ANKRD12: variants seen among roughly 807,000 people sequenced by gnomAD.
The protein encoded by ANKRD12 is ankyrin repeat domain-containing protein 12.
ANKRD12 carries 85 observed loss-of-function variants against 183.4 expected under a neutral mutation model. The ratio of observed to expected loss-of-function variants is 0.46; its 90% CI spans 0.39 to 0.56. The LOEUF is 0.56. Among genes scored for constraint, ANKRD12 ranks in the 20% least tolerant of loss-of-function variants. ANKRD12 has a pLI of 0.00. For missense variants in ANKRD12, 2,405 were observed against 2,357.1 expected (o/e 1.02, Z -0.42); for synonymous variants, 914 against 800.2 (o/e 1.14, Z -2.40).
intron 8 of ANKRD12, among the ~76,000 whole-genome samples, chr18:9,223,111 T>G (rs114209254): frequency 0.018 from 2,700 of 151,990 alleles, 82 homozygotes; most frequent in African/African-American, 0.061. Flanking sequence ...ATTTGAGAGG[T>G]GATAATAAAA....
At chr18:9,149,177 C>T (rs2078595626) in intron 1 of ANKRD12, among the ~76,000 whole-genome samples, 1 of 152,088 alleles carries the variant, frequency 6.6e-6, no homozygotes, top group Admixed American at 6.6e-5. Context: ...ACTAAATTGT[C>T]TTTTTTCTGT....
intron 3 of ANKRD12, among the ~76,000 whole-genome samples, chr18:9,201,380 T>G (rs2035156284): frequency 6.6e-6 from 1 of 152,230 alleles, no homozygotes; most frequent in African/African-American, 2.4e-5. Context: ...AACAGCTGTC[T>G]TGAGGCTACA....
chr18:9,260,211 C>A (rs1183396421), intron 9 of ANKRD12: 2 of 152,132 alleles, frequency 1.3e-5, no homozygotes, highest in African/African-American at 4.8e-5. Context: ...AAGTAATCTT[C>A]CCTCACATTT....
chr18:9,216,952 A>C (rs1273630940), intron 7 of ANKRD12, 52 bp downstream of exon 7: 2 of 1,536,368 alleles, frequency 1.3e-6, no homozygotes, highest in African/African-American at 1.4e-5. Flanking sequence ...ATATAAATTC[A>C]ACCCAAAGTA....
At chr18:9,176,405 C>T (rs2033270680) in intron 1 of ANKRD12, among the ~76,000 whole-genome samples, 5 of 152,030 alleles carry the variant, frequency 3.3e-5, no homozygotes, top group Admixed American at 3.3e-4. Context: ...GTCTTCCCAC[C>T]TCAGCCTCCC....
intron 9 of ANKRD12, among the ~76,000 whole-genome samples, chr18:9,262,762 GCCA>G (rs1374298589): frequency 7.6e-6 from 1 of 131,578 alleles, no homozygotes; most frequent in Non-Finnish European, 1.6e-5. Context: ...ACAGGCGAGA[GCCA>G]CCATGCCCAG....
intron 8 of ANKRD12, chr18:9,239,478 A>C: frequency 1.6e-6 from 2 of 1,276,212 alleles, no homozygotes; most frequent in Non-Finnish European, 2.0e-6. Flanking sequence ...ATTTTTCAGA[A>C]TATTTATTTT....
At chr18:9,164,346 A>G (rs1239389758) in intron 1 of ANKRD12, among the ~76,000 whole-genome samples, 1 of 152,196 alleles carries the variant, frequency 6.6e-6, no homozygotes, top group Non-Finnish European at 1.5e-5. Flanking sequence ...ATGTTGAACC[A>G]ACCTTGCATG....
chr18:9,273,783 G>T (rs2145435185), intron 10 of ANKRD12, among the ~76,000 whole-genome samples: 1 of 152,296 alleles, frequency 6.6e-6, no homozygotes, highest in South Asian at 2.1e-4. Context: ...TGGGCCTTAA[G>T]GTCACCTTAG....
At chr18:9,253,221 C>G (rs748388882) in intron 8 of ANKRD12, among the ~76,000 whole-genome samples, 2 of 152,134 alleles carry the variant, frequency 1.3e-5, no homozygotes, top group Non-Finnish European at 2.9e-5. Context: ...TCTAATTACT[C>G]TCTTAGTTAT....
chr18:9,204,122 A>G (rs571616612), intron 3 of ANKRD12, among the ~76,000 whole-genome samples: 24 of 152,338 alleles, frequency 1.6e-4, no homozygotes, highest in African/African-American at 5.8e-4. Context: ...GACAAGTTCT[A>G]AACAGAAAAC....
chr18:9,237,285 G>C (rs1370755629), intron 8 of ANKRD12, among the ~76,000 whole-genome samples: 1 of 152,180 alleles, frequency 6.6e-6, no homozygotes, highest in African/African-American at 2.4e-5. Flanking sequence ...CATGGATGGG[G>C]TGAATGGAGG....
At position 9,149,800 on chromosome 18, in the gene ANKRD12, T is replaced by TTA. The variant is rs1211440631; in HGVS notation, c.-52+12836_-52+12837insAT. Among the ~76,000 whole-genome samples, 130 of 143,538 alleles carry TTA rather than the reference T, an allele frequency of 9.1e-4. 1 individual carries two copies. The highest frequency in any genetic ancestry group is 4.0e-3 in the South Asian group (19 of 4,726). 94.2% of individuals were successfully genotyped at this position (143,538 alleles called of 152,430 possible). On this transcript the variant is annotated intron_variant, in intron 1 of 12. Coordinates refer to ENST00000262126, the MANE Select transcript of ANKRD12 (RefSeq NM_015208.5). ...TATTTATTTATTTATTAAATTTTAT[T>TTA]TTTTTTTTTTTTTGAGACGGAGTCT...
intron 10 of ANKRD12, among the ~76,000 whole-genome samples, chr18:9,264,602 A>G (rs1381649520): frequency 1.3e-5 from 2 of 152,306 alleles, no homozygotes; most frequent in Middle Eastern, 3.4e-3. Flanking sequence ...TCTTCTCAGA[A>G]TGTTTTTAAA....
At position 9,167,728 on chromosome 18, in the gene ANKRD12, G is replaced by T. The variant is rs1203986237; in HGVS notation, c.-51-14654G>T. The stretch of plus-strand genomic sequence containing the variant: ...CTTTATTTCCTTCTCCTGCCTGATT[G>T]TCCTGGCCACAACTTCCAACACTGT... On this transcript the variant is annotated intron_variant, in intron 1 of 12. Coordinates refer to ENST00000262126, the MANE Select transcript of ANKRD12 (RefSeq NM_015208.5). 2.6e-5 allele frequency among the ~76,000 whole-genome samples: 4 copies of T among 152,186 alleles called. 1 individual carries two copies. In the South Asian group the frequency reaches 8.3e-4, roughly 32 times the overall value.
At chr18:9,234,079 C>G (rs994104431) in intron 8 of ANKRD12, among the ~76,000 whole-genome samples, 6 of 152,046 alleles carry the variant, frequency 3.9e-5, no homozygotes, top group Non-Finnish European at 8.8e-5. Flanking sequence ...ACACAACTCT[C>G]AGGCTTTCTC....
intron 7 of ANKRD12, 28 bp from the exon 8 acceptor site, chr18:9,221,824 T>G (rs2036437433): frequency 6.2e-7 from 1 of 1,612,008 alleles, no homozygotes; most frequent in South Asian, 1.1e-5. Context: ...GTGAAGGGAC[T>G]AAGTCTTCCT....
In ANKRD12 at chr18:9,285,329, G is replaced by GT. The variant is rs1388205866; in HGVS notation, c.*4205dup. 6.0e-5 allele frequency: 9 copies of GT among 150,842 alleles called. No homozygotes were observed. Among genetic ancestry groups the GT allele is most frequent in the Non-Finnish European group, 1.3e-4 (9 of 67,804 alleles). 9.3% of individuals were successfully genotyped at this position (150,842 alleles called of 1,614,324 possible). ...GCCTGTAGTCCTAGCTACTTGGGAG[G>GT]TTGAGACAGGAGAATCGCTTGAAGC... On this transcript the variant is annotated 3_prime_UTR_variant, in exon 13 of 13. Transcript: ENST00000262126.
intron 8 of ANKRD12, among the ~76,000 whole-genome samples, chr18:9,227,332 A>G (rs2036777604): frequency 6.6e-6 from 1 of 152,210 alleles, no homozygotes; most frequent in Non-Finnish European, 1.5e-5. Context: ...TAAATTATAC[A>G]AATAACTAAA....
Sources: gnomAD v4.1 joint callset for allele counts (sites outside exome capture counted in the v4.1 genomes callset) on GRCh38, gnomAD v4.1.1 for gene constraint, MANE v1.5 for transcripts, NCBI Gene and HGNC (gene_info 2026-07-23, HGNC 2026-07-21) for gene names.